The following COBLL1 variants were observed in gnomAD, a reference collection of about 807,000 sequenced individuals.
COBLL1 encodes the protein cordon-bleu protein-like 1.
In COBLL1, 50 loss-of-function variants were observed where a neutral mutation model predicts 94.8. The ratio of observed to expected loss-of-function variants is 0.53; its 90% CI spans 0.42 to 0.67. COBLL1 has a LOEUF of 0.67. Ranked by LOEUF, COBLL1 falls within the 30% of genes least tolerant of loss-of-function variation. The probability of loss-of-function intolerance (pLI) is 0.00; values close to 1 mark genes in which losing one functional copy is unlikely to be tolerated. For synonymous variants in COBLL1, 448 were observed against 473.8 expected (o/e 0.95, Z 0.71); for missense variants, 1,362 against 1,348.7 (o/e 1.01, Z -0.15).
At chr2:164,695,975 G>A in intron 11 of COBLL1, 139 bp from the exon 12 acceptor site, 1 of 673,026 alleles carries the variant, frequency 1.5e-6, no homozygotes, top group Non-Finnish European at 2.4e-6. Flanking sequence ...TATAAAGGTA[G>A]GTAGTAGCAT....
chr2:164,809,114 T>C (rs1684335338), intron 2 of COBLL1, among the ~76,000 whole-genome samples: 2 of 152,138 alleles, frequency 1.3e-5, no homozygotes, highest in Admixed American at 1.3e-4. Flanking sequence ...ACTTAGAGGA[T>C]AAATTGTCAT....
chr2:164,812,444 T>C lies in COBLL1; in HGVS notation c.41+28712A>G, dbSNP rs184992569. 9.9e-4 allele frequency among the ~76,000 whole-genome samples: 151 copies of C among 152,192 alleles called. 1 individual carries two copies. Among genetic ancestry groups the C allele is most frequent in the African/African-American group, 3.5e-3 (146 of 41,566 alleles). On this transcript the variant is annotated intron_variant, in intron 2 of 13. Coordinates refer to ENST00000652658, the MANE Select transcript of COBLL1 (RefSeq NM_001365672.2). The stretch of plus-strand genomic sequence containing the variant: ...TTCCTGTCTGTTATTTATCAGTTTA[T>C]ATTCTAGAAACATTAAATTTCTAGA...
chr2:164,828,444 A>AAACC (rs1193534565), intron 2 of COBLL1, among the ~76,000 whole-genome samples: 1 of 152,244 alleles, frequency 6.6e-6, no homozygotes, highest in Non-Finnish European at 1.5e-5. Flanking sequence ...CTGGTTATAT[A>AAACC]AATTAAAATT....
rs753754658 is a variant in COBLL1, at chr2:164,700,621, G to A, written c.1361C>T (p.Thr454Ile). The A allele has an allele frequency of 6.8e-6, 11 of 1,613,212 alleles. No homozygotes were observed. The highest frequency in any genetic ancestry group is 2.2e-5 in the East Asian group (1 of 44,854). ...GGCTGAGTCAGGATCATTTTTCAGT[G>A]TATTTATTATATCAGTAGATACAAA... is the stretch of plus-strand genomic sequence containing the variant. ...IPFVSTDIINTLKNDPDSALG... is the reference protein window; with the variant it reads ...IPFVSTDIINILKNDPDSALG... Residue 454 changes from threonine (T) to isoleucine (I), a missense_variant, in exon 10 of 14, where the codon ACA (threonine) becomes ATA (isoleucine). Transcript: ENST00000652658.
chr2:164,814,330 T>C (rs1684606274), intron 2 of COBLL1, among the ~76,000 whole-genome samples: 1 of 152,124 alleles, frequency 6.6e-6, no homozygotes, highest in African/African-American at 2.4e-5. Flanking sequence ...TCTAATAAGG[T>C]CTTAATAAAC....
At chr2:164,703,947 A>G (rs1684450640) in intron 9 of COBLL1, among the ~76,000 whole-genome samples, 2 of 152,208 alleles carry the variant, frequency 1.3e-5, no homozygotes, top group Admixed American at 1.3e-4. Flanking sequence ...TTGTTTGGAA[A>G]GAATCCTAGA....
At chr2:164,672,726 A>G (rs1341345663) in intron 1 of COBLL1, among the ~76,000 whole-genome samples, 1 of 151,190 alleles carries the variant, frequency 6.6e-6, no homozygotes. Context: ...AAAAAAAAAA[A>G]AAATGACTTT....
At chr2:164,796,490 T>C (rs1450297301) in intron 2 of COBLL1, among the ~76,000 whole-genome samples, 1 of 152,250 alleles carries the variant, frequency 6.6e-6, no homozygotes, top group East Asian at 1.9e-4. Context: ...TAGAATTCTA[T>C]ACATTGAAGA....
chr2:164,766,850 A>T (rs1253290474), intron 2 of COBLL1, among the ~76,000 whole-genome samples: 1 of 152,194 alleles, frequency 6.6e-6, no homozygotes, highest in Non-Finnish European at 1.5e-5. Flanking sequence ...AAGAACCATA[A>T]GCCACACCTA....
At chr2:164,834,994 T>C (rs1456001541) in intron 2 of COBLL1, among the ~76,000 whole-genome samples, 1 of 151,806 alleles carries the variant, frequency 6.6e-6, no homozygotes, top group African/African-American at 2.4e-5. Flanking sequence ...CTCTATAACA[T>C]AAACGTTGGT....
chr2:164,739,991 C>A (rs150671779), intron 3 of COBLL1, among the ~76,000 whole-genome samples: 10 of 152,216 alleles, frequency 6.6e-5, no homozygotes, highest in African/African-American at 2.4e-4. Flanking sequence ...CATCTTGGAT[C>A]GCATTAAGAT....
At chr2:164,812,895 C>T (rs1045127113) in intron 2 of COBLL1, among the ~76,000 whole-genome samples, 7 of 152,002 alleles carry the variant, frequency 4.6e-5, no homozygotes, top group African/African-American at 7.2e-5. Context: ...GTACTTTCCC[C>T]GTAAGTATGG....
chr2:164,717,340 A>G (rs1298177938), intron 7 of COBLL1, among the ~76,000 whole-genome samples: 1 of 152,160 alleles, frequency 6.6e-6, no homozygotes, highest in Non-Finnish European at 1.5e-5. Context: ...ATCATTTTCA[A>G]TCACTAAAAA....
chr2:164,698,672 G>A (rs921380435), intron 11 of COBLL1, among the ~76,000 whole-genome samples: 3 of 151,816 alleles, frequency 2.0e-5, no homozygotes, highest in African/African-American at 7.2e-5. Flanking sequence ...CATGAGTAGT[G>A]CAAAGTATCA....
chr2:164,710,146 CAAAT>C lies in COBLL1; in HGVS notation c.997-5045_997-5042del, dbSNP rs112637686. On this transcript the variant is annotated intron_variant, in intron 7 of 13. Coordinates refer to ENST00000652658, the MANE Select transcript of COBLL1 (RefSeq NM_001365672.2). The stretch of plus-strand genomic sequence containing the variant: ...CAAGGGAAGTTAAGATAATAAAAAT[CAAAT>C]AAAAATCAAATTGTGTGTTAACTAA... Among the ~76,000 whole-genome samples, 805 of 152,014 alleles carry C rather than the reference CAAAT, an allele frequency of 5.3e-3. 6 individuals carry two copies. The highest frequency in any genetic ancestry group is 0.017 in the African/African-American group (720 of 41,458).
chr2:164,730,708 T>C (rs1348392294), intron 3 of COBLL1, among the ~76,000 whole-genome samples: 2 of 152,216 alleles, frequency 1.3e-5, no homozygotes. Flanking sequence ...GGAGGAGTCC[T>C]TTCCTTACCC....
chr2:164,774,513 T>A (rs1401567738), intron 2 of COBLL1, among the ~76,000 whole-genome samples: 4 of 152,196 alleles, frequency 2.6e-5, no homozygotes, highest in Admixed American at 2.6e-4. Context: ...TGCAGACTAT[T>A]CTAATATGAG....
intron 2 of COBLL1, among the ~76,000 whole-genome samples, chr2:164,766,840 A>G (rs1319129257): frequency 6.6e-6 from 1 of 152,192 alleles, no homozygotes; most frequent in African/African-American, 2.4e-5. Context: ...ACAGATATTC[A>G]AGAACCATAA....
chr2:164,759,795 C>T (rs924815631), intron 2 of COBLL1, among the ~76,000 whole-genome samples: 17 of 152,142 alleles, frequency 1.1e-4, no homozygotes, highest in Non-Finnish European at 1.0e-4. Flanking sequence ...CAAATAGACA[C>T]ACAAAAATAG....
Sources: allele counts gnomAD v4.1 joint callset (sites outside exome capture counted in the v4.1 genomes callset), GRCh38; gene constraint gnomAD v4.1.1; transcripts MANE v1.5; gene names NCBI Gene and HGNC (gene_info 2026-07-23, HGNC 2026-07-21).